RBFOX1: variants seen among roughly 807,000 people sequenced by gnomAD.
RBFOX1 encodes the protein RNA binding fox-1 homolog 1.
A neutral mutation model predicts 57.7 loss-of-function variants in RBFOX1; 8 were observed. That is an observed-to-expected ratio of 0.14 (90% CI 0.08 to 0.25). RBFOX1 has a LOEUF of 0.25. RBFOX1 is among the 10% of genes least tolerant of loss of function. The probability of loss-of-function intolerance (pLI) is 1.00; values close to 1 mark genes in which losing one functional copy is unlikely to be tolerated. For missense variants in RBFOX1, 611 were observed against 548.5 expected (o/e 1.11, Z -1.14); for synonymous variants, 326 against 222.4 (o/e 1.47, Z -4.15).
chr16:7,191,435 G>A (rs908419997), intron 4 of RBFOX1, among the ~76,000 whole-genome samples: 17 of 152,172 alleles, frequency 1.1e-4, no homozygotes, highest in Admixed American at 5.9e-4. Flanking sequence ...TGTCCTCATG[G>A]CTTGTAACAC....
intron 4 of RBFOX1, among the ~76,000 whole-genome samples, chr16:5,936,932 G>A (rs1256981338): frequency 6.6e-6 from 1 of 152,106 alleles, no homozygotes; most frequent in South Asian, 2.1e-4. Flanking sequence ...AGGGACTGTA[G>A]AGCACTGCAT....
intron 1 of RBFOX1, among the ~76,000 whole-genome samples, chr16:6,045,380 T>C (rs1297679636): frequency 6.6e-6 from 1 of 152,108 alleles, no homozygotes; most frequent in Non-Finnish European, 1.5e-5. Context: ...CTCTAGGAAG[T>C]AGGAAATTTG....
intron 14 of RBFOX1, among the ~76,000 whole-genome samples, chr16:7,690,763 A>G (rs561776776): frequency 3.3e-5 from 5 of 152,228 alleles, no homozygotes; most frequent in Admixed American, 3.3e-4. Flanking sequence ...GGCTTGAGAG[A>G]GGGTCATAGA....
At chr16:5,962,933 G>C (rs1316219680) in intron 4 of RBFOX1, among the ~76,000 whole-genome samples, 1 of 150,934 alleles carries the variant, frequency 6.6e-6, no homozygotes, top group Admixed American at 6.6e-5. Flanking sequence ...AGAGATCCAA[G>C]TTCAATATGG....
At chr16:5,288,563 C>T (rs1197407810) in intron 1 of RBFOX1, among the ~76,000 whole-genome samples, 2 of 151,764 alleles carry the variant, frequency 1.3e-5, no homozygotes, top group South Asian at 4.2e-4. Flanking sequence ...TATTTGCCTC[C>T]AGAGTAGAAG....
At chr16:5,283,355 A>T (rs4592660) in intron 1 of RBFOX1, among the ~76,000 whole-genome samples, 48,957 of 152,008 alleles carry the variant, frequency 0.32, 7,910 homozygotes, top group Non-Finnish European at 0.33. Flanking sequence ...CTGTGAGAAG[A>T]GGGCCACCAT....
chr16:6,347,932 C>T (rs1453088096), intron 2 of RBFOX1, among the ~76,000 whole-genome samples: 1 of 152,168 alleles, frequency 6.6e-6, no homozygotes, highest in African/African-American at 2.4e-5. Context: ...GGTGAGAAGA[C>T]ATGTTTGCAT....
chr16:7,551,511 C>G (rs1347530106), intron 5 of RBFOX1, among the ~76,000 whole-genome samples: 1 of 152,148 alleles, frequency 6.6e-6, no homozygotes, highest in East Asian at 1.9e-4. Flanking sequence ...CAGCCAATAG[C>G]TCTGTGCTAC....
At chr16:5,242,577 T>C (rs1450325962) in intron 1 of RBFOX1, among the ~76,000 whole-genome samples, 2 of 152,190 alleles carry the variant, frequency 1.3e-5, no homozygotes, top group Non-Finnish European at 2.9e-5. Flanking sequence ...GGAGAACCCG[T>C]TTCTTCACTC....
chr16:7,155,107 T>G (rs1252261171), intron 4 of RBFOX1, among the ~76,000 whole-genome samples: 2 of 152,174 alleles, frequency 1.3e-5, no homozygotes, highest in Non-Finnish European at 2.9e-5. Context: ...CCAAAGCCTC[T>G]TGTTTCAGAA....
At chr16:5,565,601 G>C (rs1055315873) in intron 2 of RBFOX1, among the ~76,000 whole-genome samples, 2 of 150,746 alleles carry the variant, frequency 1.3e-5, no homozygotes, top group Non-Finnish European at 2.9e-5. Context: ...CTCCAGCCTG[G>C]GCAATAAGAG....
At chr16:6,463,319 C>G (rs554737725) in intron 2 of RBFOX1, among the ~76,000 whole-genome samples, 2 of 152,120 alleles carry the variant, frequency 1.3e-5, no homozygotes, top group Admixed American at 6.6e-5. Flanking sequence ...ACACAGATCA[C>G]AATTTCTGAA....
intron 1 of RBFOX1, among the ~76,000 whole-genome samples, chr16:6,289,583 A>G (rs954303254): frequency 6.6e-6 from 1 of 152,108 alleles, no homozygotes; most frequent in African/African-American, 2.4e-5. Flanking sequence ...CTTTTAATTG[A>G]GTGTCTTTCC....
At chr16:5,711,666 G>A (rs186273995) in intron 3 of RBFOX1, among the ~76,000 whole-genome samples, 2 of 152,288 alleles carry the variant, frequency 1.3e-5, no homozygotes, top group East Asian at 1.9e-4. Context: ...ATCTTAAAGG[G>A]CCTTGCATGC....
At chr16:5,811,585 G>A (rs1230040091) in intron 3 of RBFOX1, among the ~76,000 whole-genome samples, 6 of 151,924 alleles carry the variant, frequency 3.9e-5, no homozygotes, top group Non-Finnish European at 8.8e-5. Flanking sequence ...TGAGTAGCTG[G>A]GATTACAGGC....
intron 2 of RBFOX1, among the ~76,000 whole-genome samples, chr16:6,525,694 G>T (rs1334396599): frequency 6.6e-6 from 1 of 152,076 alleles, no homozygotes; most frequent in East Asian, 1.9e-4. Context: ...GTGTTCACTG[G>T]TGGGAGGAAC....
chr16:5,342,969 A>G (rs985716534), intron 1 of RBFOX1, among the ~76,000 whole-genome samples: 3 of 152,268 alleles, frequency 2.0e-5, no homozygotes, highest in Non-Finnish European at 2.9e-5. Context: ...TTTCTCTTCT[A>G]TTACTCCAGT....
At chr16:6,429,374 A>G (rs1289404107) in intron 2 of RBFOX1, among the ~76,000 whole-genome samples, 11 of 152,212 alleles carry the variant, frequency 7.2e-5, no homozygotes, top group African/African-American at 2.2e-4. Flanking sequence ...TCCATTATAG[A>G]ATAACAACAG....
At chr16:6,020,363 G>T (rs2095046181) in intron 1 of RBFOX1, among the ~76,000 whole-genome samples, 1 of 152,122 alleles carries the variant, frequency 6.6e-6, no homozygotes, top group African/African-American at 2.4e-5. Flanking sequence ...GGCTGCAAGC[G>T]TGCACTCAGC....
Sources: gnomAD v4.1 joint callset for allele counts (sites outside exome capture counted in the v4.1 genomes callset) on GRCh38, gnomAD v4.1.1 for gene constraint, MANE v1.5 for transcripts, NCBI Gene and HGNC (gene_info 2026-07-23, HGNC 2026-07-21) for gene names.